Variants in ITGB6 observed in about 807,000 individuals in gnomAD.
ITGB6 encodes integrin beta-6.
A neutral mutation model predicts 84.5 loss-of-function variants in ITGB6; 80 were observed. The observed-to-expected ratio is 0.95, with a 90% CI of 0.79 to 1.14. ITGB6 has a LOEUF of 1.14. Ranked by LOEUF, ITGB6 falls within the 50% of genes most tolerant of loss-of-function variation. The probability of loss-of-function intolerance (pLI) is 0.00; values close to 1 mark genes in which losing one functional copy is unlikely to be tolerated. For missense variants in ITGB6, 1,006 were observed against 968.0 expected (o/e 1.04, Z -0.52); for synonymous variants, 383 against 354.9 (o/e 1.08, Z -0.89).
At chr2:160,170,486 C>T (rs544853443) in intron 6 of ITGB6, among the ~76,000 whole-genome samples, 2 of 152,248 alleles carry the variant, frequency 1.3e-5, no homozygotes, top group East Asian at 3.9e-4. Flanking sequence ...AGTGCCAGTC[C>T]CTCCTTATCT....
chr2:160,195,287 G>T, intron 4 of ITGB6, 82 bp downstream of exon 4: 50 of 1,535,726 alleles, frequency 3.3e-5, no homozygotes, highest in Non-Finnish European at 4.4e-5. Flanking sequence ...GAGTTAGCAA[G>T]CTCCTGGCAA....
At chr2:160,126,730 G>A in intron 10 of ITGB6, 129 bp from the exon 11 acceptor site, 1 of 805,532 alleles carries the variant, frequency 1.2e-6, no homozygotes, top group Non-Finnish European at 2.0e-6. Flanking sequence ...GAGAAAAAAA[G>A]TATGTGTGTG....
At position 160,173,973 on chromosome 2, in the gene ITGB6, C is replaced by G. The variant is rs774940140; in HGVS notation, c.759+1G>C. 1.2e-6 allele frequency: 2 copies of G among 1,612,736 alleles called. No homozygotes were observed. Among genetic ancestry groups the G allele is most frequent in the Non-Finnish European group, 1.7e-6 (2 of 1,179,634 alleles). On this transcript the variant is annotated splice_donor_variant, in intron 5 of 14. Coordinates refer to ENST00000283249, the MANE Select transcript of ITGB6 (RefSeq NM_000888.5). LOFTEE classifies it high-confidence loss of function. ...GTGAAACAGCACTCCCTTCAGCATA[C>G]CTTACACACAGCAGCTTGCATAATT...
intron 10 of ITGB6, among the ~76,000 whole-genome samples, chr2:160,135,398 A>C (rs1301640791): frequency 1.4e-5 from 2 of 142,516 alleles, no homozygotes; most frequent in African/African-American, 2.6e-5. Flanking sequence ...TCAATGAAAT[A>C]AAAGAGGATA....
chr2:160,123,878 C>T lies in ITGB6; in HGVS notation c.1894G>A (p.Glu632Lys). ...TGGCCAGCTGCTGACAGGTGGCACT[C>T]AATGCAGCTCCTGTGGACAGTATCC... The part of the protein sequence containing the change: ...DPCNSKRSCI[E>K]CHLSAAGQAR... The change falls in exon 12 of 15, where the codon GAG becomes AAG. Residue 632 changes from glutamate to lysine, a missense_variant. Transcript: ENST00000283249. The T allele has an allele frequency of 2.5e-6, 4 of 1,613,290 alleles. No individual in the cohort carries two copies. Among genetic ancestry groups the T allele is most frequent in the Non-Finnish European group, 3.4e-6 (4 of 1,179,420 alleles).
At position 160,101,482 on chromosome 2, in the gene ITGB6, T is replaced by G; in HGVS notation, c.*254A>C. 2 of 381,626 alleles carry G rather than the reference T, an allele frequency of 5.2e-6. No individual in the cohort carries two copies. Among genetic ancestry groups the G allele is most frequent in the South Asian group, 6.8e-5 (2 of 29,520 alleles). The allele number at this position is 381,626 out of a possible 1,614,324, so 23.6% of individuals were successfully genotyped here. ...CCCCATGAATCATTTGATGATTTTT[T>G]GAAGCATTAATGCAACAGAGTTAGT... is the stretch of plus-strand genomic sequence containing the variant. On this transcript the variant is annotated 3_prime_UTR_variant, in exon 15 of 15. Coordinates refer to ENST00000283249, the MANE Select transcript of ITGB6 (RefSeq NM_000888.5).
chr2:160,136,524 C>T (rs1485044909), intron 10 of ITGB6, among the ~76,000 whole-genome samples: 3 of 152,102 alleles, frequency 2.0e-5, no homozygotes, highest in African/African-American at 2.4e-5. Context: ...CTAGAAATAC[C>T]ATTTGACCCA....
chr2:160,161,633 G>A lies in ITGB6; in HGVS notation c.1017+7579C>T, dbSNP rs550770659. 2.0e-5 allele frequency among the ~76,000 whole-genome samples: 3 copies of A among 152,296 alleles called. No homozygotes were observed. The South Asian group carries it at 6.2e-4, about 32-fold the overall frequency. On this transcript the variant is annotated intron_variant, in intron 7 of 14. Transcript: ENST00000283249. ...AATGTCAACAATGTTAGCTATGTCT[G>A]AGTGGTGAGTTTATGAGTGATCTTT...
At chr2:160,133,265 A>C (rs1177151951) in intron 10 of ITGB6, among the ~76,000 whole-genome samples, 1 of 152,168 alleles carries the variant, frequency 6.6e-6, no homozygotes, top group Non-Finnish European at 1.5e-5. Context: ...TTGCAATCCT[A>C]GTCTCTGATA....
chr2:160,122,914 T>G (rs1296299763), intron 12 of ITGB6, among the ~76,000 whole-genome samples: 5 of 152,194 alleles, frequency 3.3e-5, no homozygotes, highest in African/African-American at 1.2e-4. Context: ...ATTATTTCAC[T>G]TCACCTGAGC....
intron 10 of ITGB6, among the ~76,000 whole-genome samples, chr2:160,129,161 T>C (rs1171389459): frequency 6.6e-6 from 1 of 152,098 alleles, no homozygotes; most frequent in Non-Finnish European, 1.5e-5. Context: ...CTGGACACTT[T>C]TGCTGTAGAC....
At chr2:160,157,753 A>C (rs1436747429) in intron 7 of ITGB6, among the ~76,000 whole-genome samples, 1 of 151,176 alleles carries the variant, frequency 6.6e-6, no homozygotes, top group Non-Finnish European at 1.5e-5. Flanking sequence ...AGAGGCAAAA[A>C]AAAAAAAAAA....
rs753402565 is a variant in ITGB6 at position 160,123,820 on chromosome 2, A to G, written c.1952T>C (p.Leu651Pro). The G allele has an allele frequency of 1.9e-6, 3 of 1,614,030 alleles. No individual in the cohort carries two copies. The Admixed American group carries it at 5.0e-5, about 27-fold the overall frequency. The part of the protein sequence containing the change: ...AREECVDKCK[L>P]AGATISEEED... ...TTCTTCACTGATGGTCGCACCAGCT[A>G]GTTTGCACTTGTCCACACATTCTTC... Residue 651 changes from leucine to proline, a missense_variant, in exon 12 of 15, where the codon CTA becomes CCA. Physicochemically the swap from Leu to Pro is moderately conservative, Grantham distance 98 (BLOSUM62 -3). Transcript: ENST00000283249.
chr2:160,199,182 C>T lies in ITGB6; in HGVS notation c.138G>A (p.Gln46=), dbSNP rs1438568885. Residue 46 remains glutamine, a synonymous_variant, in exon 2 of 15, where the codon CAG becomes CAA. Transcript: ENST00000283249. ...ACATTGAGGTCATTTATTTTACCTC[C>T]TGAGCACACCAGGCACACTGAGGTC... ...LIGPQCAWCA[Q]ENFTHPSGVG... is the part of the protein sequence containing the mutation. 1 of 1,613,332 alleles carries T rather than the reference C, an allele frequency of 6.2e-7. No individual in the cohort carries two copies. Among genetic ancestry groups the T allele is most frequent in the African/African-American group, 1.3e-5 (1 of 74,888 alleles).
At chr2:160,103,183 G>GA (rs1039401153) in intron 14 of ITGB6, among the ~76,000 whole-genome samples, 10 of 151,488 alleles carry the variant, frequency 6.6e-5, no homozygotes, top group Non-Finnish European at 1.2e-4. Context: ...GGGTGGATTT[G>GA]AAAAAAAACC....
rs768088243 is a variant in ITGB6, at chr2:160,135,025, G to A, written c.1660+2409C>T. On this transcript the variant is annotated intron_variant, in intron 10 of 14. Coordinates refer to ENST00000283249, the MANE Select transcript of ITGB6 (RefSeq NM_000888.5). Reference sequence around the variant, plus strand: ...AGGGATGCCCTCTCTCACCACTCCTGTTCAACATAGTGTTGGAAGTTCTGG... The same window carrying A: ...AGGGATGCCCTCTCTCACCACTCCTATTCAACATAGTGTTGGAAGTTCTGG... 1.6e-3 allele frequency among the ~76,000 whole-genome samples: 243 copies of A among 152,124 alleles called. 1 individual carries two copies. Among genetic ancestry groups the A allele is most frequent in the Non-Finnish European group, 2.7e-3 (181 of 67,992 alleles).
At chr2:160,119,745 G>GA (rs1238172831) in intron 12 of ITGB6, among the ~76,000 whole-genome samples, 1 of 152,080 alleles carries the variant, frequency 6.6e-6, no homozygotes, top group African/African-American at 2.4e-5. Flanking sequence ...CAGAATGGGA[G>GA]AAAATTTTCG....
chr2:160,133,833 C>A (rs1423640339), intron 10 of ITGB6, among the ~76,000 whole-genome samples: 1 of 152,002 alleles, frequency 6.6e-6, no homozygotes, highest in Non-Finnish European at 1.5e-5. Context: ...TGAAGGCAGA[C>A]ATAAAGGTGT....
chr2:160,139,678 T>A (rs879383694), intron 8 of ITGB6, among the ~76,000 whole-genome samples: 3 of 152,222 alleles, frequency 2.0e-5, no homozygotes, highest in Non-Finnish European at 4.4e-5. Flanking sequence ...AATATTTTAG[T>A]GTGAATTTCC....
Sources: gnomAD v4.1 joint callset for allele counts (sites outside exome capture counted in the v4.1 genomes callset) on GRCh38, gnomAD v4.1.1 for gene constraint, MANE v1.5 for transcripts, NCBI Gene and HGNC (gene_info 2026-07-23, HGNC 2026-07-21) for gene names.